The following CLUAP1 variants were observed in gnomAD, a reference collection of about 807,000 sequenced individuals.
CLUAP1 encodes clusterin-associated protein 1.
In CLUAP1, 50 loss-of-function variants were observed where a neutral mutation model predicts 55.0. That is an observed-to-expected ratio of 0.91 (90% CI 0.72 to 1.15). CLUAP1 has a LOEUF of 1.15. CLUAP1 is among the 50% of genes most tolerant of loss of function. The pLI, the probability that CLUAP1 is intolerant of heterozygous loss-of-function variation, is 0.00. For synonymous variants in CLUAP1, 195 were observed against 175.4 expected (o/e 1.11, Z -0.88); for missense variants, 530 against 507.6 (o/e 1.04, Z -0.42).
intron 9 of CLUAP1, among the ~76,000 whole-genome samples, chr16:3,529,942 C>T (rs2038081777): frequency 1.7e-5 from 2 of 120,470 alleles, no homozygotes; most frequent in African/African-American, 6.3e-5. Flanking sequence ...TAATATATGA[C>T]AATTATATAA....
At chr16:3,520,093 C>G (rs1249705747) in intron 7 of CLUAP1, 57 bp downstream of exon 7, 9 of 1,509,940 alleles carry the variant, frequency 6.0e-6, no homozygotes, top group Non-Finnish European at 8.0e-6. Flanking sequence ...TTCAAACAAA[C>G]TGGGCGTGGT....
intron 6 of CLUAP1, 150 bp from the exon 7 acceptor site, chr16:3,519,753 G>A: frequency 1.5e-6 from 1 of 687,358 alleles, no homozygotes; most frequent in Non-Finnish European, 2.3e-6. Flanking sequence ...AGTGGGTTAA[G>A]TGAGTCATTG....
At chr16:3,499,035 G>A (rs971800254), upstream of CLUAP1, among the ~76,000 whole-genome samples, 3 of 152,184 alleles carry the variant, frequency 2.0e-5, no homozygotes, top group African/African-American at 7.2e-5. Flanking sequence ...ATTTTGAAAT[G>A]GGCAAAGAAA....
chr16:3,500,188 G>A (rs117170408), upstream of CLUAP1, among the ~76,000 whole-genome samples: 878 of 152,212 alleles, frequency 5.8e-3, 12 homozygotes, highest in East Asian at 0.065. Flanking sequence ...CGGCGCGAGC[G>A]GCTCAGGGCC....
At chr16:3,533,252 C>T (rs1192002576) in intron 11 of CLUAP1, 4 of 990,628 alleles carry the variant, frequency 4.0e-6, no homozygotes, top group Non-Finnish European at 6.1e-6. Context: ...TTCCTCTCTC[C>T]TGGGCAAAAA....
upstream of CLUAP1, chr16:3,496,722 A>T: frequency 1.9e-6 from 1 of 530,100 alleles, no homozygotes; most frequent in South Asian, 1.4e-5. Context: ...AGGGACCAGA[A>T]GTTCGAGCGC....
intron 5 of CLUAP1, 61 bp from the exon 6 acceptor site, chr16:3,515,447 A>C (rs1399535618): frequency 4.2e-6 from 5 of 1,198,610 alleles, no homozygotes; most frequent in African/African-American, 1.5e-5. Flanking sequence ...TAGATCTAGG[A>C]ATACTGGTTT....
chr16:3,533,146 CAAG>C lies in CLUAP1; in HGVS notation c.1092+309_1092+311del, dbSNP rs1411661568. 5 of 1,535,964 alleles carry C rather than the reference CAAG, an allele frequency of 3.3e-6. No homozygotes were observed. In the South Asian group the frequency reaches 4.8e-5, roughly 15 times the overall value. ...TAGGTAAATGCAAGACTTCCAGCTC[CAAG>C]AAGCAGGTTGGTTTTCTGTTCTGCC... On this transcript the variant is annotated intron_variant, in intron 11 of 11. Coordinates refer to ENST00000576634, the MANE Select transcript of CLUAP1 (RefSeq NM_015041.3).
At chr16:3,533,901 G>T (rs979160444) in intron 11 of CLUAP1, 6 of 152,318 alleles carry the variant, frequency 3.9e-5, no homozygotes, top group African/African-American at 7.2e-5. Context: ...AGGCAGCACC[G>T]CCTGCCTCTT....
At chr16:3,498,319 A>G (rs2037334718), upstream of CLUAP1, among the ~76,000 whole-genome samples, 1 of 152,076 alleles carries the variant, frequency 6.6e-6, no homozygotes, top group African/African-American at 2.4e-5. Context: ...TAGCAATTCA[A>G]ATGCTAATCT....
chr16:3,521,779 G>A (rs1361113627), intron 7 of CLUAP1, among the ~76,000 whole-genome samples: 1 of 151,284 alleles, frequency 6.6e-6, no homozygotes, highest in South Asian at 2.1e-4. Context: ...TTTAGACTGG[G>A]CACAGTGATT....
intron 6 of CLUAP1, among the ~76,000 whole-genome samples, chr16:3,518,127 C>G (rs976226619): frequency 6.6e-6 from 1 of 152,136 alleles, no homozygotes; most frequent in Non-Finnish European, 1.5e-5. Flanking sequence ...AACGTCTGGT[C>G]AGCAACTTAC....
chr16:3,526,542 A>AAT (rs111842321), intron 9 of CLUAP1, 58 bp downstream of exon 9: 7 of 1,168,220 alleles, frequency 6.0e-6, no homozygotes, highest in East Asian at 2.7e-5. Flanking sequence ...TCAGCCTTGA[A>AAT]ATATATATAG....
rs2038149015 is a variant in CLUAP1, at chr16:3,532,675, G to A, written c.1037-111G>A. On this transcript the variant is annotated intron_variant, in intron 10 of 11. Transcript: ENST00000576634. ...TCCTGTCTCAGCCTCCCAAATTCCT[G>A]GGATTATACGCAAAAGCCAACATGC... 1.9e-5 allele frequency: 21 copies of A among 1,111,598 alleles called. No individual in the cohort carries two copies. In the South Asian group the frequency reaches 2.9e-4, roughly 15 times the overall value. 68.9% of individuals were successfully genotyped at this position (1,111,598 alleles called of 1,614,324 possible).
upstream of CLUAP1, among the ~76,000 whole-genome samples, chr16:3,499,786 A>G (rs754608382): frequency 6.6e-6 from 1 of 152,182 alleles, no homozygotes; most frequent in Non-Finnish European, 1.5e-5. Flanking sequence ...ATTGTTTTGG[A>G]GCGAGCTCCT....
intron 6 of CLUAP1, 130 bp downstream of exon 6, chr16:3,515,721 CAA>C: frequency 1.9e-6 from 1 of 539,148 alleles, no homozygotes; most frequent in Non-Finnish European, 3.1e-6. Context: ...ATGAAAAACT[CAA>C]GAGGACATTC....
At chr16:3,509,158 G>A (rs2037568712) in intron 4 of CLUAP1, among the ~76,000 whole-genome samples, 1 of 152,198 alleles carries the variant, frequency 6.6e-6, no homozygotes, top group Non-Finnish European at 1.5e-5. Context: ...TGCCCAGGAG[G>A]CTGAGGTGGG....
At chr16:3,525,989 G>C (rs1229727030) in intron 8 of CLUAP1, among the ~76,000 whole-genome samples, 1 of 152,184 alleles carries the variant, frequency 6.6e-6, no homozygotes, top group Non-Finnish European at 1.5e-5. Flanking sequence ...GCTGGAATCT[G>C]AAGGCAGGGC....
upstream of CLUAP1, chr16:3,500,988 A>T (rs1436659970): frequency 1.7e-5 from 25 of 1,446,706 alleles, 1 homozygote; most frequent in South Asian, 2.6e-4. Flanking sequence ...ATTGGTTGCC[A>T]TAGAGATCGT....
Sources: gnomAD v4.1 joint callset for allele counts (sites outside exome capture counted in the v4.1 genomes callset) on GRCh38, gnomAD v4.1.1 for gene constraint, MANE v1.5 for transcripts, NCBI Gene and HGNC (gene_info 2026-07-23, HGNC 2026-07-21) for gene names.